XRCC5: variants seen among roughly 807,000 people sequenced by gnomAD.
XRCC5 encodes DNA repair protein Ku80.
XRCC5 carries 12 observed loss-of-function variants against 95.7 expected under a neutral mutation model. That is an observed-to-expected ratio of 0.13 (90% CI 0.08 to 0.20). The LOEUF is 0.20. Among genes scored for constraint, XRCC5 ranks in the 10% least tolerant of loss-of-function variants. XRCC5 has a pLI of 1.00. For synonymous variants in XRCC5, 281 were observed against 290.3 expected (o/e 0.97, Z 0.33); for missense variants, 595 against 873.9 (o/e 0.68, Z 4.02).
At chr2:216,169,848 A>G (rs1689122490) in intron 16 of XRCC5, among the ~76,000 whole-genome samples, 1 of 148,434 alleles carries the variant, frequency 6.7e-6, no homozygotes, top group African/African-American at 2.5e-5. Flanking sequence ...GATTGAGACC[A>G]TCCTGGGCAA....
intron 20 of XRCC5, 134 bp downstream of exon 20, chr2:216,204,530 C>A: frequency 1.2e-6 from 1 of 861,828 alleles, no homozygotes. Flanking sequence ...AAGCTTCCTA[C>A]ACCATTATAT....
intron 13 of XRCC5, 74 bp downstream of exon 13, chr2:216,141,393 G>A: frequency 1.3e-6 from 2 of 1,550,960 alleles, no homozygotes; most frequent in South Asian, 2.3e-5. Context: ...GCGGTAATTG[G>A]CCAGTCCTAA....
chr2:216,142,628 C>T lies in XRCC5; in HGVS notation c.1476+1309C>T, dbSNP rs570692256. 7.2e-5 allele frequency among the ~76,000 whole-genome samples: 11 copies of T among 152,262 alleles called. No individual in the cohort carries two copies. In the South Asian group the frequency reaches 2.3e-3, roughly 32 times the overall value. ...AAATTATATAAGCAGCTTTTTAAGG[C>T]AAGCTGTTGCTCACAGAGGAGTAGA... On this transcript the variant is annotated intron_variant, in intron 13 of 20. Coordinates refer to ENST00000392132, the MANE Select transcript of XRCC5 (RefSeq NM_021141.4).
chr2:216,136,367 A>AAAAAAAAG (rs61067470), intron 10 of XRCC5, among the ~76,000 whole-genome samples: 14 of 143,216 alleles, frequency 9.8e-5, no homozygotes, highest in Admixed American at 2.1e-4. Context: ...AAAAAAAAAA[A>AAAAAAAAG]AAAAGAAATA....
chr2:216,175,735 G>A (rs1689259714), intron 16 of XRCC5: 1 of 450,776 alleles, frequency 2.2e-6, no homozygotes. Context: ...TCAACCTTGT[G>A]TGGTCAAGCA....
rs140171958 is a variant in XRCC5, at chr2:216,187,466, CTGTGTGTGTGTGTGTGTGTGTGTGTG to C, written c.1835-2729_1835-2704del. Among the ~76,000 whole-genome samples, 504 of 111,378 alleles carry C rather than the reference CTGTGTGTGTGTGTGTGTGTGTGTGTG, an allele frequency of 4.5e-3. 1 individual carries two copies. The highest frequency in any genetic ancestry group is 7.1e-3 in the Admixed American group (72 of 10,132). 73.1% of individuals were successfully genotyped at this position (111,378 alleles called of 152,430 possible). On this transcript the variant is annotated intron_variant, in intron 16 of 20. Coordinates refer to ENST00000392132, the MANE Select transcript of XRCC5 (RefSeq NM_021141.4). Reference sequence around the variant, plus strand: ...AATATTTTTCTCTGTAAGATAGCAACTGTGTGTGTGTGTGTGTGTGTGTGTGTGTGTGTGTGTGTGTGTGTGTGTGT... The same window carrying C: ...AATATTTTTCTCTGTAAGATAGCAACTGTGTGTGTGTGTGTGTGTGTGTGT...
At chr2:216,157,265 A>T in intron 14 of XRCC5, among the ~76,000 whole-genome samples, 1 of 148,300 alleles carries the variant, frequency 6.7e-6, no homozygotes, top group Middle Eastern at 3.5e-3. Context: ...ACGGAGTGTC[A>T]CTCTGTCACC....
At chr2:216,193,308 CT>C (rs1250074792) in intron 18 of XRCC5, among the ~76,000 whole-genome samples, 2 of 152,112 alleles carry the variant, frequency 1.3e-5, no homozygotes, top group Non-Finnish European at 2.9e-5. Context: ...TTTTCATGCC[CT>C]TTGCCCCACC....
intron 7 of XRCC5, among the ~76,000 whole-genome samples, chr2:216,127,123 C>G (rs1244779382): frequency 1.3e-5 from 2 of 152,044 alleles, no homozygotes; most frequent in East Asian, 3.9e-4. Context: ...GTCTGTAGTC[C>G]CAGCTACTTG....
At chr2:216,115,983 G>T (rs1387043732) in intron 2 of XRCC5, among the ~76,000 whole-genome samples, 1 of 151,820 alleles carries the variant, frequency 6.6e-6, no homozygotes, top group African/African-American at 2.4e-5. Flanking sequence ...AGTGTAAATG[G>T]TTTTATATGC....
rs1411848649 is a variant in XRCC5 at position 216,148,199 on chromosome 2, T to C, written c.1593T>C (p.Ser531=). ...EVTTKSQIPL[S]KIKTLFPLIE... is the part of the protein sequence containing the mutation. ...CAACAAAAAGTCAGATTCCTCTCTCTAAAATAAAGACCCTTTTTCCTCTGA... is the reference window on the plus strand; with the variant it reads ...CAACAAAAAGTCAGATTCCTCTCTCCAAAATAAAGACCCTTTTTCCTCTGA... Residue 531 remains serine, a synonymous_variant, in exon 14 of 21, where the codon TCT becomes TCC. Coordinates refer to ENST00000392132, the MANE Select transcript of XRCC5 (RefSeq NM_021141.4). 2 of 1,613,938 alleles carry C rather than the reference T, an allele frequency of 1.2e-6. No homozygotes were observed. The highest frequency in any genetic ancestry group is 1.7e-6 in the Non-Finnish European group (2 of 1,180,016).
At chr2:216,171,195 GC>G (rs984766587) in intron 16 of XRCC5, among the ~76,000 whole-genome samples, 12 of 152,214 alleles carry the variant, frequency 7.9e-5, no homozygotes, top group Non-Finnish European at 1.6e-4. Flanking sequence ...CCACTTAAAT[GC>G]AATAAAAGTG....
At chr2:216,134,658 A>G (rs1286929942) in intron 10 of XRCC5, among the ~76,000 whole-genome samples, 1 of 133,994 alleles carries the variant, frequency 7.5e-6, no homozygotes, top group Non-Finnish European at 1.5e-5. Context: ...TGAACTCCTG[A>G]CCTCAGGTGA....
chr2:216,175,724 A>G (rs751605330), intron 16 of XRCC5: 3 of 447,330 alleles, frequency 6.7e-6, no homozygotes, highest in Non-Finnish European at 1.3e-5. Context: ...CTCCACACCC[A>G]TCAACCTTGT....
intron 16 of XRCC5, among the ~76,000 whole-genome samples, chr2:216,172,474 T>C (rs1157189586): frequency 2.8e-5 from 4 of 140,756 alleles, no homozygotes; most frequent in East Asian, 2.0e-4. Flanking sequence ...CTTTTCTTTT[T>C]TTTTTTTTTT....
At chr2:216,202,187 A>G (rs1689844191) in intron 19 of XRCC5, among the ~76,000 whole-genome samples, 1 of 152,164 alleles carries the variant, frequency 6.6e-6, no homozygotes, top group Non-Finnish European at 1.5e-5. Flanking sequence ...AGATGTTTGG[A>G]AGATACCAGT....
chr2:216,172,464 C>CTTTCCTTTTTTTT (rs1258491985), intron 16 of XRCC5, among the ~76,000 whole-genome samples: 33 of 70,316 alleles, frequency 4.7e-4, no homozygotes, highest in African/African-American at 2.1e-3. Flanking sequence ...ATCAGCTTTT[C>CTTTCCTTTTTTTT]TTTTCTTTTT....
intron 16 of XRCC5, among the ~76,000 whole-genome samples, chr2:216,171,136 A>G (rs1413797478): frequency 6.6e-6 from 1 of 152,262 alleles, no homozygotes; most frequent in African/African-American, 2.4e-5. Context: ...TAAAATAGTC[A>G]CTAATGAACT....
At chr2:216,143,267 A>T (rs1559245887) in intron 13 of XRCC5, among the ~76,000 whole-genome samples, 1 of 152,236 alleles carries the variant, frequency 6.6e-6, no homozygotes, top group Non-Finnish European at 1.5e-5. Context: ...GCTAAGTGTA[A>T]TGAAGTATAA....
Sources: gnomAD v4.1 joint callset for allele counts (sites outside exome capture counted in the v4.1 genomes callset) on GRCh38, gnomAD v4.1.1 for gene constraint, MANE v1.5 for transcripts, NCBI Gene and HGNC (gene_info 2026-07-23, HGNC 2026-07-21) for gene names.